The following IL1RAPL2 variants were observed in gnomAD, a reference collection of about 807,000 sequenced individuals.
IL1RAPL2 encodes the protein interleukin 1 receptor accessory protein like 2, also known as X-linked interleukin-1 receptor accessory protein-like 2.
Under a neutral mutation model 44.1 loss-of-function variants are expected in IL1RAPL2, and 3 were observed. The ratio of observed to expected loss-of-function variants is 0.07; its 90% CI spans 0.03 to 0.18. IL1RAPL2 has a LOEUF of 0.18. Among genes scored for constraint, IL1RAPL2 ranks in the 10% least tolerant of loss-of-function variants. The probability of loss-of-function intolerance (pLI) is 1.00; values close to 1 mark genes in which losing one functional copy is unlikely to be tolerated. For synonymous variants in IL1RAPL2, 181 were observed against 178.8 expected, an observed-to-expected ratio of 1.01 and a Z score of -0.10; for missense variants, 391 against 496.4, an observed-to-expected ratio of 0.79 and a Z score of 2.02.
intron 6 of IL1RAPL2, among the ~76,000 whole-genome samples, chrX:105,539,418 T>C (rs2036703167): frequency 9.0e-6 from 1 of 111,157 alleles, no homozygotes; most frequent in Non-Finnish European, 1.9e-5. Flanking sequence ...AAATAAGCAA[T>C]GGGGAAAGGA....
At chrX:105,292,351 A>G (rs112882567) in intron 5 of IL1RAPL2, among the ~76,000 whole-genome samples, 5,318 of 112,267 alleles carry the variant, frequency 0.047, 344 homozygotes, top group African/African-American at 0.16. Context: ...ATATGATTTC[A>G]GATTCCACAC....
chrX:105,759,983 G>A (rs1277881987), intron 10 of IL1RAPL2, among the ~76,000 whole-genome samples: 1 of 111,585 alleles, frequency 9.0e-6, no homozygotes, highest in Non-Finnish European at 1.9e-5. Flanking sequence ...TGAGGGAGGG[G>A]TGACATGAAC....
At chrX:104,799,562 C>T (rs1394842766) in intron 2 of IL1RAPL2, among the ~76,000 whole-genome samples, 1 of 112,018 alleles carries the variant, frequency 8.9e-6, no homozygotes. Flanking sequence ...ACTCAATTAA[C>T]CAACTCTTCT....
In IL1RAPL2 at chrX:105,233,946, G is replaced by T. The variant is rs1249694600; in HGVS notation, c.485G>T (p.Cys162Phe). 1 of 1,209,267 alleles carries T rather than the reference G, an allele frequency of 8.3e-7. No homozygotes were observed. Among genetic ancestry groups the T allele is most frequent in the African/African-American group, 1.7e-5 (1 of 57,281 alleles). ...GTCACTAAAAGAAAGGAGATCTCCTGTCCAGACATGGATGACTTTAAAAAG... is the reference window on the plus strand; with the variant it reads ...GTCACTAAAAGAAAGGAGATCTCCTTTCCAGACATGGATGACTTTAAAAAG... The part of the protein sequence containing the change: ...SEVTKRKEIS[C>F]PDMDDFKKSD... Residue 162 changes from cysteine to phenylalanine, a missense_variant, in exon 4 of 11, where the codon TGT becomes TTT. By Grantham distance (205) the Cys-to-Phe change is radical. Coordinates refer to ENST00000372582, the MANE Select transcript of IL1RAPL2 (RefSeq NM_017416.2).
At chrX:104,829,336 G>T (rs1239057507) in intron 2 of IL1RAPL2, among the ~76,000 whole-genome samples, 1 of 111,800 alleles carries the variant, frequency 8.9e-6, no homozygotes, top group African/African-American at 3.3e-5. Context: ...CTGGATAGCA[G>T]CATCCCTCAC....
chrX:104,945,930 C>T (rs1056135725), intron 2 of IL1RAPL2, among the ~76,000 whole-genome samples: 7 of 109,963 alleles, frequency 6.4e-5, no homozygotes, highest in Non-Finnish European at 1.3e-4. Context: ...CAGATGGATA[C>T]ATGATTTTTT....
chrX:105,337,056 C>G (rs778448232), intron 5 of IL1RAPL2, among the ~76,000 whole-genome samples: 1 of 111,694 alleles, frequency 9.0e-6, no homozygotes, highest in Non-Finnish European at 1.9e-5. Flanking sequence ...GTGTTTCTTT[C>G]AACAGCAGTG....
chrX:105,109,842 C>T (rs1478847708), intron 2 of IL1RAPL2, among the ~76,000 whole-genome samples: 1 of 112,318 alleles, frequency 8.9e-6, no homozygotes, highest in Non-Finnish European at 1.9e-5. Context: ...TGCTGAGTGA[C>T]TTTTAATTTA....
chrX:105,008,907 A>G (rs1015535270), intron 2 of IL1RAPL2, among the ~76,000 whole-genome samples: 1 of 111,954 alleles, frequency 8.9e-6, no homozygotes, highest in East Asian at 2.8e-4. Flanking sequence ...ATTTACAAGA[A>G]AAAAACCAAC....
chrX:104,616,404 T>C (rs1183640869), intron 1 of IL1RAPL2, among the ~76,000 whole-genome samples: 2 of 112,262 alleles, frequency 1.8e-5, no homozygotes, highest in Admixed American at 1.9e-4. Context: ...TCATAGTTTA[T>C]AGTTTAATAT....
chrX:105,229,645 A>G (rs2034049883), intron 3 of IL1RAPL2, among the ~76,000 whole-genome samples: 1 of 111,879 alleles, frequency 8.9e-6, no homozygotes, highest in African/African-American at 3.3e-5. Flanking sequence ...AATGCTGCTG[A>G]CACCATCTAC....
chrX:104,964,798 T>G (rs917772223), intron 2 of IL1RAPL2, among the ~76,000 whole-genome samples: 1 of 108,140 alleles, frequency 9.2e-6, no homozygotes. Flanking sequence ...TATAAAAAAG[T>G]TTTTTTTTCT....
chrX:105,185,704 A>G (rs1056706963), intron 2 of IL1RAPL2, among the ~76,000 whole-genome samples: 5 of 112,184 alleles, frequency 4.5e-5, no homozygotes, highest in Admixed American at 9.5e-5. Context: ...AGCCTGACAT[A>G]TCTTCAGTCA....
intron 3 of IL1RAPL2, among the ~76,000 whole-genome samples, chrX:105,199,189 G>A (rs1298012598): frequency 3.6e-5 from 4 of 110,300 alleles, no homozygotes; most frequent in South Asian, 3.8e-4. Flanking sequence ...ATTATACACC[G>A]GCTTGTAATG....
intron 5 of IL1RAPL2, among the ~76,000 whole-genome samples, chrX:105,409,273 A>G (rs1312154606): frequency 1.8e-5 from 2 of 111,653 alleles, no homozygotes; most frequent in African/African-American, 6.5e-5. Flanking sequence ...GAAGTTTTTG[A>G]AAGCACATGT....
At chrX:104,783,558 T>C (rs761367641) in intron 2 of IL1RAPL2, among the ~76,000 whole-genome samples, 1 of 111,082 alleles carries the variant, frequency 9.0e-6, no homozygotes, top group Admixed American at 9.7e-5. Flanking sequence ...CTATTGAATT[T>C]CTAACTTATG....
chrX:104,942,679 C>A (rs999252857), intron 2 of IL1RAPL2, among the ~76,000 whole-genome samples: 1 of 111,091 alleles, frequency 9.0e-6, no homozygotes, highest in African/African-American at 3.3e-5. Flanking sequence ...AATTGAATAC[C>A]CTTTATTTCC....
rs185187476 is a variant in IL1RAPL2 at position 104,659,094 on chromosome X, G to A, written c.82+99G>A. ...CTTTAACTATGAATGTCTTTAAATA[G>A]AAGCACTCGTATTCCAGTTATGTTG... is the stretch of plus-strand genomic sequence containing the variant. On this transcript the variant is annotated intron_variant, in intron 2 of 10. Coordinates refer to ENST00000372582, the MANE Select transcript of IL1RAPL2 (RefSeq NM_017416.2). 14 of 523,759 alleles carry A rather than the reference G, an allele frequency of 2.7e-5. No individual in the cohort carries two copies. The Admixed American group carries it at 4.6e-4, about 17-fold the overall frequency. 43.2% of individuals were successfully genotyped at this position (523,759 alleles called of 1,213,427 possible).
chrX:104,785,613 C>T (rs1932794364), intron 2 of IL1RAPL2, among the ~76,000 whole-genome samples: 1 of 111,299 alleles, frequency 9.0e-6, no homozygotes, highest in Non-Finnish European at 1.9e-5. Context: ...GTCCTAACTC[C>T]TTTTTTCCCC....
Sources: gnomAD v4.1 joint callset for allele counts (sites outside exome capture counted in the v4.1 genomes callset) on GRCh38, gnomAD v4.1.1 for gene constraint, MANE v1.5 for transcripts, NCBI Gene and HGNC (gene_info 2026-07-23, HGNC 2026-07-21) for gene names.